Variants in PCDHGA1 observed in about 807,000 individuals in gnomAD.
PCDHGA1 encodes protocadherin gamma-A1.
In PCDHGA1, 32 loss-of-function variants were observed where a neutral mutation model predicts 58.0. The observed-to-expected ratio is 0.55, with a 90% CI of 0.42 to 0.74. PCDHGA1 has a LOEUF of 0.74. Ranked by LOEUF, PCDHGA1 falls within the 30% of genes least tolerant of loss-of-function variation. The pLI is 0.00. For synonymous variants in PCDHGA1, 498 were observed against 501.1 expected (o/e 0.99, Z 0.08); for missense variants, 1,205 against 1,182.3 (o/e 1.02, Z -0.28).
At position 141,413,764 on chromosome 5, in the gene PCDHGA1, G is replaced by A. The variant is rs749419039; in HGVS notation, c.2421+80659G>A. 28 of 1,612,716 alleles carry A rather than the reference G, an allele frequency of 1.7e-5. No individual in the cohort carries two copies. Among genetic ancestry groups the A allele is most frequent in the Non-Finnish European group, 2.2e-5 (26 of 1,179,878 alleles). On this transcript the variant is annotated intron_variant, in intron 1 of 3. Coordinates refer to ENST00000517417, the MANE Select transcript of PCDHGA1 (RefSeq NM_018912.3). ...CCGTGCCAATGGCGTCAAGTACCCG[G>A]AGCTGGTACTGGAGCACTCCCTAGA... is the stretch of plus-strand genomic sequence containing the variant.
intron 1 of PCDHGA1, chr5:141,419,384 G>T (rs1383174444): frequency 1.2e-6 from 2 of 1,613,554 alleles, no homozygotes; most frequent in East Asian, 2.2e-5. Flanking sequence ...GTCCGTGAGC[G>T]CGCAGAGCGG....
intron 1 of PCDHGA1, among the ~76,000 whole-genome samples, chr5:141,425,668 T>C (rs2096887740): frequency 1.3e-5 from 2 of 152,260 alleles, no homozygotes; most frequent in South Asian, 4.1e-4. Context: ...GCACATCAGA[T>C]TGAAAATAAT....
intron 1 of PCDHGA1, chr5:141,382,999 T>C (rs1208869928): frequency 6.2e-7 from 1 of 1,613,770 alleles, no homozygotes; most frequent in Non-Finnish European, 8.5e-7. Context: ...TATTCTCTAC[T>C]CCGTGTCGGA....
chr5:141,361,632 G>A, intron 1 of PCDHGA1: 2 of 1,613,910 alleles, frequency 1.2e-6, no homozygotes, highest in Non-Finnish European at 1.7e-6. Context: ...TGAAGCCGCG[G>A]GAGATTTTAT....
intron 1 of PCDHGA1, chr5:141,375,567 C>A (rs767430191): frequency 1.2e-6 from 2 of 1,614,076 alleles, no homozygotes. Flanking sequence ...GCAGAAGACA[C>A]CCTCCAGGGG....
At chr5:141,465,337 G>GCC (rs2099101328) in intron 1 of PCDHGA1, among the ~76,000 whole-genome samples, 6 of 151,962 alleles carry the variant, frequency 3.9e-5, no homozygotes, top group Admixed American at 2.6e-4. Flanking sequence ...TTTTTATATT[G>GCC]GTTACTGAAG....
At chr5:141,506,241 G>C (rs2237081) in intron 3 of PCDHGA1, among the ~76,000 whole-genome samples, 78,081 of 151,504 alleles carry the variant, frequency 0.52, 20,775 homozygotes, top group African/African-American at 0.63. Context: ...ATGAGGTCAG[G>C]AGTTCGAAAC....
rs2094361083 is a variant in PCDHGA1 at position 141,403,148 on chromosome 5, A to T, written c.2421+70043A>T. The T allele has an allele frequency of 2.5e-6, 4 of 1,614,050 alleles. No homozygotes were observed. The South Asian group carries it at 4.4e-5, about 18-fold the overall frequency. On this transcript the variant is annotated intron_variant, in intron 1 of 3. Coordinates refer to ENST00000517417, the MANE Select transcript of PCDHGA1 (RefSeq NM_018912.3). ...GGAGCTGGCGGAGCGCCGAGTCCGC[A>T]TCGTCTCTAGAGGTAGGACGCAGCT...
Position 141,476,383 on chromosome 5 carries a change from C to T in PCDHGA1, c.2422-18424C>T, listed in dbSNP as rs547854431. The T allele has an allele frequency of 6.2e-7, 1 of 1,613,984 alleles. No homozygotes were observed. The highest frequency in any genetic ancestry group is 8.5e-7 in the Non-Finnish European group (1 of 1,180,044). On this transcript the variant is annotated intron_variant, in intron 1 of 3. Coordinates refer to ENST00000517417, the MANE Select transcript of PCDHGA1 (RefSeq NM_018912.3). This position sits in a 1 kb window ranked among gnomAD's most constrained non-coding sequence, Gnocchi z 7.6. ...GGGAGACCGGAGAGATGTTTGTGAA[C>T]GACCGTCTGGATCGAGAGGAGCTGT...
intron 1 of PCDHGA1, chr5:141,362,415 A>T: frequency 6.2e-7 from 1 of 1,614,024 alleles, no homozygotes; most frequent in Non-Finnish European, 8.5e-7. Context: ...CCTCACAATC[A>T]GCCAAGACAG....
At position 141,334,447 on chromosome 5, in the gene PCDHGA1, T is replaced by G. The variant is rs947468931; in HGVS notation, c.2421+1342T>G. 1 of 126,948 alleles carries G rather than the reference T, an allele frequency of 7.9e-6. No individual in the cohort carries two copies. The highest frequency in any genetic ancestry group is 2.7e-4 in the East Asian group (1 of 3,754). The allele number at this position is 126,948 out of a possible 1,614,324, so 7.9% of individuals were successfully genotyped here. The stretch of plus-strand genomic sequence containing the variant: ...TCAAGACCAGCCGGACAGGGCGGCC[T>G]GCGACTGTAGTCCCAGCTACGCGGG... On this transcript the variant is annotated intron_variant, in intron 1 of 3. Transcript: ENST00000517417. The surrounding 1 kb of genome is among the most constrained non-coding windows in gnomAD (Gnocchi z 4.6).
chr5:141,408,725 A>G, intron 1 of PCDHGA1: 1 of 1,610,988 alleles, frequency 6.2e-7, no homozygotes, highest in Non-Finnish European at 8.5e-7. Context: ...GATAAACTCT[A>G]ATCCTTATTT....
At chr5:141,423,228 CA>C in intron 1 of PCDHGA1, 1 of 1,613,866 alleles carries the variant, frequency 6.2e-7, no homozygotes, top group Non-Finnish European at 8.5e-7. Flanking sequence ...CTGTGGCCGA[CA>C]GCATCCCCGA....
At chr5:141,496,412 T>C (rs1322376676) in intron 2 of PCDHGA1, among the ~76,000 whole-genome samples, 1 of 152,180 alleles carries the variant, frequency 6.6e-6, no homozygotes, top group African/African-American at 2.4e-5. Context: ...GGTTGAGTAC[T>C]TGCTGTCCAC....
chr5:141,451,532 G>T (rs1168984212), intron 1 of PCDHGA1, among the ~76,000 whole-genome samples: 1 of 152,180 alleles, frequency 6.6e-6, no homozygotes, highest in African/African-American at 2.4e-5. Flanking sequence ...AAAGGAGAGT[G>T]CCAGAGAGGG....
chr5:141,457,504 A>G (rs2098922754), intron 1 of PCDHGA1, among the ~76,000 whole-genome samples: 1 of 152,222 alleles, frequency 6.6e-6, no homozygotes, highest in Non-Finnish European at 1.5e-5. Context: ...GTAGGCAAAA[A>G]GCTTAAAAAC....
intron 1 of PCDHGA1, among the ~76,000 whole-genome samples, chr5:141,425,919 G>C (rs11167745): frequency 0.3 from 45,848 of 152,124 alleles, 8,179 homozygotes; most frequent in African/African-American, 0.5. Context: ...CAGTCACTAC[G>C]AAAACTCATA....
In PCDHGA1 at chr5:141,409,379, A is replaced by G. The variant is rs376174246; in HGVS notation, c.2421+76274A>G. On this transcript the variant is annotated intron_variant, in intron 1 of 3. Transcript: ENST00000517417. ...TAATATAGAAACAGACATTCCATTC[A>G]AGATTTATTCTTCTTCCAATAACTA... is the stretch of plus-strand genomic sequence containing the variant. The G allele has an allele frequency of 1.5e-5, 25 of 1,613,926 alleles. No homozygotes were observed. The highest frequency in any genetic ancestry group is 2.0e-5 in the Non-Finnish European group (24 of 1,179,908).
At chr5:141,401,213 G>T (rs1259778152) in intron 1 of PCDHGA1, among the ~76,000 whole-genome samples, 2 of 152,014 alleles carry the variant, frequency 1.3e-5, no homozygotes, top group African/African-American at 4.8e-5. Flanking sequence ...GTGGTGGCGG[G>T]CGCCTGTAAT....
Sources: gnomAD v4.1 joint callset for allele counts (sites outside exome capture counted in the v4.1 genomes callset) on GRCh38, gnomAD v4.1.1 for gene constraint, Gnocchi (gnomAD v3.1) non-coding constraint, MANE v1.5 for transcripts, NCBI Gene and HGNC (gene_info 2026-07-23, HGNC 2026-07-21) for gene names.